HECA: variants seen among roughly 807,000 people sequenced by gnomAD.
HECA encodes the protein HECA ribonucleoprotein granule regulator.
HECA carries 13 observed loss-of-function variants against 37.6 expected under a neutral mutation model. That is an observed-to-expected ratio of 0.35 (90% CI 0.23 to 0.55). The LOEUF (loss-of-function observed/expected upper bound fraction) is 0.55, where lower values mean the gene tolerates loss of function less well. HECA is among the 20% of genes least tolerant of loss of function. The pLI, the probability that HECA is intolerant of heterozygous loss-of-function variation, is 0.90. For missense variants in HECA, 527 were observed against 701.9 expected (o/e 0.75, Z 2.82); for synonymous variants, 307 against 291.5 (o/e 1.05, Z -0.54).
intron 2 of HECA, chr6:139,169,679 C>T (rs1774944626): frequency 6.6e-6 from 1 of 152,164 alleles, no homozygotes; most frequent in Non-Finnish European, 1.5e-5. Context: ...TGTCTGTGTT[C>T]CATGTAGTCT....
intron 1 of HECA, among the ~76,000 whole-genome samples, chr6:139,148,033 T>C (rs1304741934): frequency 6.6e-6 from 1 of 152,218 alleles, no homozygotes; most frequent in Non-Finnish European, 1.5e-5. Context: ...TCATAATATT[T>C]GCATTTTTTG....
In HECA at chr6:139,135,337, C is replaced by G; in HGVS notation, c.-60C>G. Reference sequence around the variant, plus strand: ...GGCTTCACGCAGGGCCGGGAACGGCCGTGCCTCTGGGATCCGCCTTCGCTG... The same window carrying G: ...GGCTTCACGCAGGGCCGGGAACGGCGGTGCCTCTGGGATCCGCCTTCGCTG... On this transcript the variant is annotated 5_prime_UTR_variant, in exon 1 of 4. Transcript: ENST00000367658. 1.6e-6 allele frequency: 2 copies of G among 1,242,466 alleles called. No individual in the cohort carries two copies. Among genetic ancestry groups the G allele is most frequent in the Non-Finnish European group, 2.1e-6 (2 of 963,202 alleles). The allele number at this position is 1,242,466 out of a possible 1,614,324, so 77.0% of individuals were successfully genotyped here.
chr6:139,152,562 G>A (rs929980126), intron 1 of HECA, among the ~76,000 whole-genome samples: 1 of 152,104 alleles, frequency 6.6e-6, no homozygotes. Flanking sequence ...TGCTCAATTT[G>A]CTACTCACTT....
rs779904328 is a variant in HECA at position 139,166,555 on chromosome 6, C to T, written c.543C>T (p.Gly181=). 6.2e-7 allele frequency: 1 copy of T among 1,614,240 alleles called. No individual in the cohort carries two copies. Among genetic ancestry groups the T allele is most frequent in the Non-Finnish European group, 8.5e-7 (1 of 1,180,042 alleles). Residue 181 remains glycine, a synonymous_variant, in exon 2 of 4, where the codon GGC becomes GGT. Transcript: ENST00000367658. ...LAFRFCSCRC[G]QGHLKKDTDW... ...TCCGCTTCTGCTCTTGCCGCTGTGG[C>T]CAGGGCCACTTGAAGAAGGACACAG... is the stretch of plus-strand genomic sequence containing the variant.
Position 139,167,889 on chromosome 6 carries a change from C to T in HECA, c.1312+565C>T, listed in dbSNP as rs188660668. ...GGAAGCTTATTATTCCTGTGGATGG[C>T]ATATAAGGATTTGGTACATTTCAGC... is the stretch of plus-strand genomic sequence containing the variant. On this transcript the variant is annotated intron_variant, in intron 2 of 3. Coordinates refer to ENST00000367658, the MANE Select transcript of HECA (RefSeq NM_016217.3). 3.7e-4 allele frequency among the ~76,000 whole-genome samples: 57 copies of T among 152,076 alleles called. No homozygotes were observed. In the East Asian group the frequency reaches 9.4e-3, roughly 25 times the overall value.
intron 1 of HECA, among the ~76,000 whole-genome samples, chr6:139,144,961 G>T (rs1162432703): frequency 1.3e-5 from 2 of 152,210 alleles, no homozygotes; most frequent in Non-Finnish European, 2.9e-5. Flanking sequence ...CAGTGGGAGG[G>T]ATTGGGACCA....
intron 1 of HECA, among the ~76,000 whole-genome samples, chr6:139,157,090 A>G (rs1774726832): frequency 6.6e-6 from 1 of 152,256 alleles, no homozygotes; most frequent in African/African-American, 2.4e-5. Flanking sequence ...TTTCTTGATG[A>G]TACACTAAAC....
Position 139,135,393 on chromosome 6 carries a change from C to T in HECA, c.-4C>T. On this transcript the variant is annotated 5_prime_UTR_variant, in exon 1 of 4. Transcript: ENST00000367658. ...GGGCACCTACCTGGACGCGAGCGAG[C>T]GAGATGCCCAACCCCAAAAACAGCA... The T allele has an allele frequency of 7.3e-7, 1 of 1,374,064 alleles. No individual in the cohort carries two copies. Among genetic ancestry groups the T allele is most frequent in the Non-Finnish European group, 9.6e-7 (1 of 1,041,540 alleles). The allele number at this position is 1,374,064 out of a possible 1,614,324, so 85.1% of individuals were successfully genotyped here. A position where few individuals can be genotyped will look rare whatever the true frequency, so the allele number is the denominator to read the frequency against.
intron 1 of HECA, among the ~76,000 whole-genome samples, chr6:139,139,524 C>T (rs1774488948): frequency 6.6e-6 from 1 of 152,190 alleles, no homozygotes; most frequent in Non-Finnish European, 1.5e-5. Context: ...CTGGAGAGTG[C>T]TCTTGGCATC....
rs545357334 is a variant in HECA, at chr6:139,135,706, C to T, written c.271+39C>T. The T allele has an allele frequency of 1.1e-5, 10 of 947,010 alleles. No individual in the cohort carries two copies. The Admixed American group carries it at 4.9e-4, about 47-fold the overall frequency. The allele number at this position is 947,010 out of a possible 1,614,324, so 58.7% of individuals were successfully genotyped here. A position where few individuals can be genotyped will look rare whatever the true frequency, so the allele number is the denominator to read the frequency against. On this transcript the variant is annotated intron_variant, in intron 1 of 3. Coordinates refer to ENST00000367658, the MANE Select transcript of HECA (RefSeq NM_016217.3). ...GGCGGGGCGAGCGCCAACTTCCTCC[C>T]CGACGGGGACGGCGCGGTGGCGGGG...
Position 139,178,054 on chromosome 6 carries a change from G to A in HECA, c.*949G>A, listed in dbSNP as rs1052728702. The A allele has an allele frequency of 6.6e-6, 1 of 152,172 alleles. No individual in the cohort carries two copies. The highest frequency in any genetic ancestry group is 2.1e-4 in the South Asian group (1 of 4,834). 9.4% of individuals were successfully genotyped at this position (152,172 alleles called of 1,614,324 possible). The stretch of plus-strand genomic sequence containing the variant: ...TGGCCATGTATAACCAATTAATTCT[G>A]AGTTTCCAAAATCAAAGATTTGACC... On this transcript the variant is annotated 3_prime_UTR_variant, in exon 4 of 4. Coordinates refer to ENST00000367658, the MANE Select transcript of HECA (RefSeq NM_016217.3).
At chr6:139,158,720 C>G (rs1774753395) in intron 1 of HECA, among the ~76,000 whole-genome samples, 2 of 150,788 alleles carry the variant, frequency 1.3e-5, no homozygotes, top group South Asian at 2.1e-4. Flanking sequence ...AAGCACTGTT[C>G]TAACTACTTT....
At chr6:139,135,983 C>G (rs938715905) in intron 1 of HECA, among the ~76,000 whole-genome samples, 2 of 151,710 alleles carry the variant, frequency 1.3e-5, no homozygotes, top group Non-Finnish European at 2.9e-5. Flanking sequence ...TGTGCCGGGC[C>G]GAAGGGAGGA....
chr6:139,157,438 A>T (rs1277316344), intron 1 of HECA, among the ~76,000 whole-genome samples: 1 of 152,192 alleles, frequency 6.6e-6, no homozygotes, highest in Non-Finnish European at 1.5e-5. Context: ...GCCTCTTGAC[A>T]ATATAACAGA....
intron 3 of HECA, among the ~76,000 whole-genome samples, chr6:139,175,368 C>T (rs1258207903): frequency 1.3e-5 from 2 of 152,168 alleles, no homozygotes; most frequent in African/African-American, 4.8e-5. Context: ...TCATTAGTTA[C>T]TGCATAGTTT....
chr6:139,154,383 CA>C (rs145683037), intron 1 of HECA, among the ~76,000 whole-genome samples: 7 of 151,080 alleles, frequency 4.6e-5, no homozygotes, highest in Admixed American at 6.6e-5. Context: ...ATTCACATTC[CA>C]AAAAAAAACT....
At position 139,179,934 on chromosome 6, in the gene HECA, AAG is replaced by A. The variant is rs774979941; in HGVS notation, c.*2832_*2833del. The stretch of plus-strand genomic sequence containing the variant: ...TAATATTTTTTAATTATTTATTTTT[AAG>A]AGTTTTATACCTTGAGCAGATACAA... On this transcript the variant is annotated 3_prime_UTR_variant, in exon 4 of 4. Transcript: ENST00000367658. The A allele has an allele frequency of 1.2e-4, 19 of 152,166 alleles. No homozygotes were observed. Among genetic ancestry groups the A allele is most frequent in the Non-Finnish European group, 2.4e-4 (16 of 68,018 alleles). The allele number at this position is 152,166 out of a possible 1,614,324, so 9.4% of individuals were successfully genotyped here. A position where few individuals can be genotyped will look rare whatever the true frequency, so the allele number is the denominator to read the frequency against.
At chr6:139,140,980 C>G (rs1774506350) in intron 1 of HECA, among the ~76,000 whole-genome samples, 3 of 152,130 alleles carry the variant, frequency 2.0e-5, no homozygotes, top group Non-Finnish European at 4.4e-5. Context: ...TTAGTAGAGA[C>G]AGGGTTTCTC....
intron 2 of HECA, chr6:139,169,540 T>TA (rs2114481268): frequency 6.6e-6 from 1 of 152,372 alleles, no homozygotes; most frequent in Non-Finnish European, 1.5e-5. Context: ...TAACTCCCTT[T>TA]ATCTTGTAGC....
Sources: gnomAD v4.1 joint callset for allele counts (sites outside exome capture counted in the v4.1 genomes callset) on GRCh38, gnomAD v4.1.1 for gene constraint, MANE v1.5 for transcripts, NCBI Gene and HGNC (gene_info 2026-07-23, HGNC 2026-07-21) for gene names.